The following DLGAP2 variants were observed in gnomAD, a reference collection of about 807,000 sequenced individuals.
DLGAP2 encodes DLG associated protein 2.
In DLGAP2, 26 loss-of-function variants were observed where a neutral mutation model predicts 100.3. That is an observed-to-expected ratio of 0.26 (90% CI 0.19 to 0.36). The LOEUF is 0.36. Among genes scored for constraint, DLGAP2 ranks in the 10% least tolerant of loss-of-function variants. The probability of loss-of-function intolerance (pLI) is 1.00; values close to 1 mark genes in which losing one functional copy is unlikely to be tolerated. For synonymous variants in DLGAP2, 886 were observed against 630.1 expected (o/e 1.41, Z -6.08); for missense variants, 1,858 against 1,453.2 (o/e 1.28, Z -4.53).
intron 2 of DLGAP2, among the ~76,000 whole-genome samples, chr8:1,173,946 A>G (rs964993180): frequency 6.6e-6 from 1 of 152,182 alleles, no homozygotes; most frequent in African/African-American, 2.4e-5. Flanking sequence ...TCAGATGGAA[A>G]TGCAGAAATC....
At chr8:850,829 T>C (rs1239443916) in intron 1 of DLGAP2, among the ~76,000 whole-genome samples, 1 of 148,428 alleles carries the variant, frequency 6.7e-6, no homozygotes, top group East Asian at 1.9e-4. Flanking sequence ...TAGTTAAAAT[T>C]TTTTTTTTCA....
chr8:1,647,295 G>A (rs919208656), intron 8 of DLGAP2, among the ~76,000 whole-genome samples: 1 of 151,702 alleles, frequency 6.6e-6, no homozygotes, highest in Non-Finnish European at 1.5e-5. Flanking sequence ...CTTTATCCTG[G>A]CTAACACGGT....
chr8:1,484,397 C>G (rs536142938), intron 3 of DLGAP2, among the ~76,000 whole-genome samples: 2 of 152,250 alleles, frequency 1.3e-5, no homozygotes, highest in African/African-American at 4.8e-5. Context: ...ATCCTCATTG[C>G]GCAGGGACAC....
intron 6 of DLGAP2, among the ~76,000 whole-genome samples, chr8:1,583,852 T>C (rs963030594): frequency 6.6e-6 from 1 of 152,124 alleles, no homozygotes; most frequent in Admixed American, 6.5e-5. Context: ...CTTCGTGATC[T>C]GCCCCCGGAA....
intron 3 of DLGAP2, among the ~76,000 whole-genome samples, chr8:1,382,572 C>CA (rs1463946765): frequency 6.6e-6 from 1 of 151,898 alleles, no homozygotes; most frequent in Non-Finnish European, 1.5e-5. Flanking sequence ...CCCATCTCTA[C>CA]AAAAAAATAA....
intron 1 of DLGAP2, among the ~76,000 whole-genome samples, chr8:767,540 A>T (rs1367807818): frequency 6.6e-6 from 1 of 152,002 alleles, no homozygotes; most frequent in Non-Finnish European, 1.5e-5. Flanking sequence ...TATTTTTAGT[A>T]GAGACGGGGT....
chr8:888,111 C>T (rs1332349687), intron 1 of DLGAP2, among the ~76,000 whole-genome samples: 2 of 152,102 alleles, frequency 1.3e-5, no homozygotes, highest in African/African-American at 2.4e-5. Context: ...TATGTAAGGT[C>T]TGTATGCCTT....
chr8:1,548,845 G>A lies in DLGAP2; in HGVS notation c.392G>A (p.Gly131Glu), dbSNP rs1183536957. The A allele has an allele frequency of 1.3e-6, 2 of 1,579,906 alleles. No homozygotes were observed. Among genetic ancestry groups the A allele is most frequent in the Non-Finnish European group, 8.6e-7 (1 of 1,166,794 alleles). ...LLSPADSCPG[G>E]RHRCSPRSSV... ...AGCCCCGCCGACAGCTGCCCCGGGG[G>A]GCGCCACCGCTGCTCGCCGCGCAGC... Residue 131 changes from glycine to glutamate, a missense_variant, in exon 5 of 15, where the codon GGG (glycine) becomes GAG (glutamate). Transcript: ENST00000637795.
At chr8:1,264,515 T>C (rs1442347808) in intron 3 of DLGAP2, among the ~76,000 whole-genome samples, 1 of 152,154 alleles carries the variant, frequency 6.6e-6, no homozygotes, top group African/African-American at 2.4e-5. Flanking sequence ...GAGATCTGAA[T>C]TTATACTACC....
At chr8:1,691,512 G>GTT in intron 12 of DLGAP2, 23 bp from the exon 13 acceptor site, 5 of 1,596,942 alleles carry the variant, frequency 3.1e-6, no homozygotes, top group Non-Finnish European at 4.3e-6. Context: ...TTGTTTTTTT[G>GTT]TTTTTGTTTT....
intron 2 of DLGAP2, among the ~76,000 whole-genome samples, chr8:1,168,559 T>G (rs1797065027): frequency 6.8e-6 from 1 of 147,254 alleles, no homozygotes. Flanking sequence ...CCTGACTTTT[T>G]AATGATCGCC....
At chr8:837,835 T>C (rs1245062245) in intron 1 of DLGAP2, among the ~76,000 whole-genome samples, 2 of 150,114 alleles carry the variant, frequency 1.3e-5, no homozygotes, top group Non-Finnish European at 1.5e-5. Context: ...TCCTGCCTCA[T>C]CCTCCTGAGT....
chr8:1,313,741 T>G (rs2117019764), intron 3 of DLGAP2, among the ~76,000 whole-genome samples: 1 of 152,210 alleles, frequency 6.6e-6, no homozygotes, highest in Admixed American at 6.5e-5. Context: ...AAAGGTCAGA[T>G]TTTTGAATAT....
intron 3 of DLGAP2, among the ~76,000 whole-genome samples, chr8:1,306,186 A>C (rs564524103): frequency 3.3e-5 from 5 of 152,120 alleles, no homozygotes; most frequent in South Asian, 2.1e-4. Context: ...AAAACTGTGA[A>C]GATTCCCCCC....
At chr8:1,288,343 GTGTA>G (rs1229154626) in intron 3 of DLGAP2, among the ~76,000 whole-genome samples, 4 of 149,294 alleles carry the variant, frequency 2.7e-5, no homozygotes, top group South Asian at 2.2e-4. Flanking sequence ...CAGTGTGTGT[GTGTA>G]TGTAGTTGTT....
chr8:975,671 A>C (rs1800143872), intron 2 of DLGAP2, among the ~76,000 whole-genome samples: 1 of 152,248 alleles, frequency 6.6e-6, no homozygotes, highest in Non-Finnish European at 1.5e-5. Flanking sequence ...CATTTGCCAA[A>C]ACCCAGCACC....
intron 2 of DLGAP2, among the ~76,000 whole-genome samples, chr8:1,138,015 C>A (rs570468580): frequency 6.6e-6 from 1 of 152,078 alleles, no homozygotes; most frequent in Non-Finnish European, 1.5e-5. Flanking sequence ...GGATTACAGG[C>A]GTGAGCCACG....
At chr8:1,307,157 C>T (rs1426620486) in intron 3 of DLGAP2, among the ~76,000 whole-genome samples, 2 of 142,308 alleles carry the variant, frequency 1.4e-5, no homozygotes, top group Non-Finnish European at 3.0e-5. Context: ...TGAAAATGGA[C>T]TGATACCTAC....
chr8:1,364,016 C>A (rs755281755), intron 3 of DLGAP2, among the ~76,000 whole-genome samples: 1 of 152,154 alleles, frequency 6.6e-6, no homozygotes, highest in Non-Finnish European at 1.5e-5. Flanking sequence ...CCAGGTGGTA[C>A]CCCTCACTGA....
Sources: allele counts gnomAD v4.1 joint callset (sites outside exome capture counted in the v4.1 genomes callset), GRCh38; gene constraint gnomAD v4.1.1; transcripts MANE v1.5; gene names NCBI Gene and HGNC (gene_info 2026-07-23, HGNC 2026-07-21).